The following CCDC171 variants were observed in gnomAD, a reference collection of about 807,000 sequenced individuals.
The protein encoded by CCDC171 is coiled-coil domain containing 171.
CCDC171 carries 177 observed loss-of-function variants against 168.2 expected under a neutral mutation model. The observed-to-expected ratio is 1.05, with a 90% CI of 0.93 to 1.19. The LOEUF (loss-of-function observed/expected upper bound fraction) is 1.19, where lower values mean the gene tolerates loss of function less well. Among genes scored for constraint, CCDC171 ranks in the 50% most tolerant of loss-of-function variants. CCDC171 has a pLI of 0.00. For missense variants in CCDC171, 1,991 were observed against 1,539.0 expected (o/e 1.29, Z -4.91); for synonymous variants, 687 against 540.8 (o/e 1.27, Z -3.75).
At chr9:15,790,583 A>G (rs140302689) in intron 21 of CCDC171, among the ~76,000 whole-genome samples, 2,958 of 152,276 alleles carry the variant, frequency 0.019, 108 homozygotes, top group African/African-American at 0.067. Flanking sequence ...TTTGCTGTGC[A>G]GAAGCTTTTT....
chr9:15,627,369 G>A (rs531055948), intron 7 of CCDC171, among the ~76,000 whole-genome samples: 1 of 151,984 alleles, frequency 6.6e-6, no homozygotes, highest in South Asian at 2.1e-4. Context: ...GCTTTTGTAT[G>A]TGTTTGCTCT....
chr9:15,879,654 A>C (rs142131290), intron 24 of CCDC171, among the ~76,000 whole-genome samples: 2 of 152,228 alleles, frequency 1.3e-5, no homozygotes, highest in African/African-American at 4.8e-5. Context: ...GATTTATGTA[A>C]TTATTTTTGA....
rs2061493188 is a variant in CCDC171 at position 15,859,948 on chromosome 9, T to C, written c.3468+11001T>C. On this transcript the variant is annotated intron_variant, in intron 23 of 25. Transcript: ENST00000380701. ...CACGGAAGTGCTGGGATTATAGGTA[T>C]AAGCCACCACACCCAGCCTCTGTTC... 2.6e-5 allele frequency among the ~76,000 whole-genome samples: 4 copies of C among 151,892 alleles called. No individual in the cohort carries two copies. In the South Asian group the frequency reaches 8.3e-4, roughly 31 times the overall value.
At chr9:15,629,110 A>G (rs978535966) in intron 7 of CCDC171, among the ~76,000 whole-genome samples, 2 of 152,176 alleles carry the variant, frequency 1.3e-5, no homozygotes, top group African/African-American at 4.8e-5. Flanking sequence ...TGGAAACTCT[A>G]AAAAGCAGAG....
chr9:16,077,132 C>T, the CCDC171 span, among the ~76,000 whole-genome samples: 1 of 152,100 alleles, frequency 6.6e-6, no homozygotes, highest in Non-Finnish European at 1.5e-5. Flanking sequence ...TCCTTGACTT[C>T]CCAGCCTGGT....
intron 10 of CCDC171, among the ~76,000 whole-genome samples, chr9:15,679,355 C>G (rs2049878069): frequency 6.6e-6 from 1 of 152,078 alleles, no homozygotes. Flanking sequence ...TTTTTGTTAA[C>G]CTCTCTTTAT....
downstream of CCDC171, among the ~76,000 whole-genome samples, chr9:15,978,967 T>C (rs76681940): frequency 8.7e-4 from 133 of 152,296 alleles, 1 homozygote; most frequent in East Asian, 0.023. Context: ...TTTTTGTATA[T>C]ATCATGTAAA....
chr9:15,917,483 T>C (rs1386567677), intron 24 of CCDC171, among the ~76,000 whole-genome samples: 4 of 151,746 alleles, frequency 2.6e-5, no homozygotes, highest in Admixed American at 2.6e-4. Flanking sequence ...ATATTCTTTT[T>C]AGTGTTATAA....
intron 11 of CCDC171, among the ~76,000 whole-genome samples, chr9:15,711,728 A>G (rs931535775): frequency 2.0e-5 from 3 of 152,200 alleles, no homozygotes; most frequent in African/African-American, 7.2e-5. Flanking sequence ...TAAGTCGAGG[A>G]GCATATTGAA....
the CCDC171 span, among the ~76,000 whole-genome samples, chr9:16,077,387 C>CCCTTGCCATGACCTTGCATGA: frequency 3.3e-5 from 5 of 152,320 alleles, no homozygotes; most frequent in East Asian, 9.6e-4. Flanking sequence ...TACCTGCACA[C>CCCTTGCCATGACCTTGCATGA]CCTTGCCATG....
intron 10 of CCDC171, among the ~76,000 whole-genome samples, chr9:15,682,287 C>G (rs1392687316): frequency 2.0e-5 from 3 of 152,000 alleles, no homozygotes; most frequent in African/African-American, 7.2e-5. Context: ...TAGAGATCAT[C>G]TAGCCCAGGA....
intron 24 of CCDC171, among the ~76,000 whole-genome samples, chr9:15,907,901 A>G (rs1001372313): frequency 2.0e-5 from 3 of 152,278 alleles, no homozygotes; most frequent in South Asian, 2.1e-4. Context: ...GACACATGAA[A>G]AAATGCTCAT....
At chr9:16,034,095 G>A (rs1833418525) in intron 6 of CCDC171, among the ~76,000 whole-genome samples, 1 of 152,204 alleles carries the variant, frequency 6.6e-6, no homozygotes, top group South Asian at 2.1e-4. Flanking sequence ...CTGAAAGAGG[G>A]GAAACATGCC....
chr9:16,017,477 C>A (rs1353976915), intron 3 of CCDC171, among the ~76,000 whole-genome samples: 1 of 151,962 alleles, frequency 6.6e-6, no homozygotes, highest in Non-Finnish European at 1.5e-5. Context: ...ACCTCATAGT[C>A]CATACAACTT....
At chr9:15,796,869 A>G (rs938461255) in intron 21 of CCDC171, among the ~76,000 whole-genome samples, 2 of 152,216 alleles carry the variant, frequency 1.3e-5, no homozygotes, top group African/African-American at 4.8e-5. Flanking sequence ...AGCAGACTCA[A>G]GCACCAGTGC....
chr9:15,810,271 A>T (rs953624519), intron 21 of CCDC171, among the ~76,000 whole-genome samples: 2 of 152,146 alleles, frequency 1.3e-5, no homozygotes, highest in Admixed American at 1.3e-4. Context: ...TGCATATACA[A>T]TCCTCTGGCT....
At chr9:15,825,691 A>T (rs1563816842) in intron 21 of CCDC171, among the ~76,000 whole-genome samples, 2 of 152,132 alleles carry the variant, frequency 1.3e-5, no homozygotes, top group East Asian at 1.9e-4. Context: ...TCTAGGAGAG[A>T]TTTTTTTAAA....
At chr9:15,934,877 G>A (rs1031149206) in intron 25 of CCDC171, among the ~76,000 whole-genome samples, 41 of 151,980 alleles carry the variant, frequency 2.7e-4, no homozygotes, top group African/African-American at 8.7e-4. Flanking sequence ...CTGTGAAATC[G>A]TTATGCTAAG....
chr9:15,913,051 A>G (rs2131864279), intron 24 of CCDC171, among the ~76,000 whole-genome samples: 1 of 152,350 alleles, frequency 6.6e-6, no homozygotes, highest in Non-Finnish European at 1.5e-5. Context: ...TGCTGGCCTC[A>G]TAAAATGAGT....
Sources: gnomAD v4.1 joint callset for allele counts (sites outside exome capture counted in the v4.1 genomes callset) on GRCh38, gnomAD v4.1.1 for gene constraint, MANE v1.5 for transcripts, NCBI Gene and HGNC (gene_info 2026-07-23, HGNC 2026-07-21) for gene names.